DPP10: variants seen among roughly 807,000 people sequenced by gnomAD.
DPP10 encodes inactive dipeptidyl peptidase 10.
DPP10 carries 33 observed loss-of-function variants against 120.9 expected under a neutral mutation model. The observed-to-expected ratio is 0.27, with a 90% confidence interval of 0.21 to 0.37. The LOEUF (loss-of-function observed/expected upper bound fraction) is 0.37. Among genes scored for constraint, DPP10 ranks in the 10% least tolerant of loss-of-function variants. The pLI is 1.00. For synonymous variants in DPP10, 337 were observed against 326.1 expected, an observed-to-expected ratio of 1.03 and a Z score of -0.36; for missense variants, 816 against 942.8, an observed-to-expected ratio of 0.87 and a Z score of 1.76.
At chr2:114,810,232 C>T (rs1685067315) in intron 1 of DPP10, among the ~76,000 whole-genome samples, 2 of 152,192 alleles carry the variant, frequency 1.3e-5, no homozygotes, top group South Asian at 4.1e-4. Flanking sequence ...AGAGTGATTT[C>T]TAGCTAGAGT....
intron 1 of DPP10, among the ~76,000 whole-genome samples, chr2:115,162,965 G>T (rs1351510569): frequency 1.3e-5 from 2 of 152,042 alleles, no homozygotes; most frequent in East Asian, 3.9e-4. Flanking sequence ...GTGCAGGTGC[G>T]CTCACGTTTG....
chr2:115,303,235 A>G (rs2061221000), intron 1 of DPP10, among the ~76,000 whole-genome samples: 1 of 151,928 alleles, frequency 6.6e-6, no homozygotes, highest in African/African-American at 2.4e-5. Context: ...TGCCTTCAAT[A>G]TGTTATAAAA....
intron 3 of DPP10, among the ~76,000 whole-genome samples, chr2:115,415,204 G>A (rs1036321527): frequency 6.6e-6 from 1 of 152,066 alleles, no homozygotes; most frequent in Non-Finnish European, 1.5e-5. Flanking sequence ...TTTCTGCTTA[G>A]TATCATTCTG....
chr2:114,900,824 T>C (rs966403114), intron 1 of DPP10, among the ~76,000 whole-genome samples: 5 of 152,328 alleles, frequency 3.3e-5, no homozygotes, highest in African/African-American at 1.2e-4. Context: ...CTTTAAACTT[T>C]GCAGCTAAAT....
At chr2:115,394,015 T>G (rs1428548426) in intron 3 of DPP10, among the ~76,000 whole-genome samples, 5 of 152,118 alleles carry the variant, frequency 3.3e-5, no homozygotes, top group Non-Finnish European at 5.9e-5. Context: ...TGAAGTGAGA[T>G]AAAAATTATG....
intron 2 of DPP10, among the ~76,000 whole-genome samples, chr2:115,319,345 TG>T (rs1290674570): frequency 6.6e-6 from 1 of 152,172 alleles, no homozygotes; most frequent in African/African-American, 2.4e-5. Context: ...GATATTGATC[TG>T]TTGGTTTCTT....
intron 1 of DPP10, among the ~76,000 whole-genome samples, chr2:114,959,965 T>A (rs1698491331): frequency 6.6e-6 from 1 of 152,188 alleles, no homozygotes; most frequent in Non-Finnish European, 1.5e-5. Context: ...GTTTGAGGAT[T>A]CTACAAACTA....
At chr2:115,681,428 T>C (rs1559023171) in intron 5 of DPP10, among the ~76,000 whole-genome samples, 2 of 151,814 alleles carry the variant, frequency 1.3e-5, no homozygotes, top group East Asian at 3.9e-4. Context: ...AAGTTACAAA[T>C]ACAAAATCAA....
chr2:115,490,474 GA>G (rs1345046807), intron 3 of DPP10, among the ~76,000 whole-genome samples: 2 of 152,028 alleles, frequency 1.3e-5, no homozygotes, highest in Non-Finnish European at 2.9e-5. Flanking sequence ...TTTGGGTGGG[GA>G]CACAGCTAAA....
intron 5 of DPP10, among the ~76,000 whole-genome samples, chr2:115,556,638 G>A (rs1231655439): frequency 1.3e-5 from 2 of 152,014 alleles, no homozygotes; most frequent in Non-Finnish European, 2.9e-5. Context: ...TCACTTTCAA[G>A]CACCCGTTCT....
chr2:115,806,913 A>T, intron 19 of DPP10, among the ~76,000 whole-genome samples: 1 of 152,202 alleles, frequency 6.6e-6, no homozygotes, highest in East Asian at 1.9e-4. Flanking sequence ...GACCTGCTGC[A>T]TAGGAGAGTC....
intron 1 of DPP10, among the ~76,000 whole-genome samples, chr2:114,663,640 G>GATATATATATATAT (rs748891458): frequency 1.9e-5 from 2 of 107,912 alleles, no homozygotes; most frequent in African/African-American, 9.8e-5. Context: ...TACATGTACA[G>GATATATATATATAT]ATATATATAT....
chr2:114,983,963 C>T (rs1195910001), intron 1 of DPP10, among the ~76,000 whole-genome samples: 2 of 152,180 alleles, frequency 1.3e-5, no homozygotes, highest in Non-Finnish European at 2.9e-5. Context: ...ACCACTCTTA[C>T]ACCGCCTCTC....
At chr2:115,832,416 G>A (rs1349558112) in intron 21 of DPP10, among the ~76,000 whole-genome samples, 1 of 152,174 alleles carries the variant, frequency 6.6e-6, no homozygotes, top group South Asian at 2.1e-4. Flanking sequence ...CTTAAGCCTG[G>A]GAGGCAGCGG....
intron 1 of DPP10, among the ~76,000 whole-genome samples, chr2:114,684,416 G>T (rs1029919530): frequency 1.3e-5 from 2 of 151,966 alleles, no homozygotes; most frequent in African/African-American, 4.8e-5. Flanking sequence ...AATTTTAAAA[G>T]GGAGAGACAA....
rs59203543 is a variant in DPP10 at position 114,987,804 on chromosome 2, C to CTTTTT, written c.61-321427_61-321423dup. Among the ~76,000 whole-genome samples the CTTTTT allele has an allele frequency of 3.0e-5, 3 of 101,034 alleles. 1 individual carries two copies. The highest frequency in any genetic ancestry group is 7.5e-4 in the South Asian group (2 of 2,678). 66.3% of individuals were successfully genotyped at this position (101,034 alleles called of 152,430 possible). ...TATACTCCTTGAGTGTGGAGACTGT[C>CTTTTT]TTTTTTTTTTTTATTTTGAGATGGA... On this transcript the variant is annotated intron_variant, in intron 1 of 25. Transcript: ENST00000410059.
chr2:115,758,584 G>C (rs1342702078), intron 11 of DPP10, among the ~76,000 whole-genome samples: 1 of 151,550 alleles, frequency 6.6e-6, no homozygotes, highest in Admixed American at 6.6e-5. Context: ...TTTTTTTGTA[G>C]AAACAGACAA....
chr2:115,782,365 A>G lies in DPP10; in HGVS notation c.1497A>G (p.Pro499=), dbSNP rs137879246. The G allele has an allele frequency of 3.8e-4, 611 of 1,612,146 alleles. 3 individuals carry two copies. The East Asian group carries it at 0.011, about 29-fold the overall frequency. Residue 499 remains proline (P), a synonymous_variant, in exon 17 of 26, where the codon CCA becomes CCG. Transcript: ENST00000410059. ...TTTAAATTCCAGGTCCAAGGGTCCC[A>G]GTGGTCAGCCTACATAGTACGGACA... The part of the protein sequence containing the change: ...FLLFCEGPRV[P]VVSLHSTDNP...
At chr2:115,507,600 G>C (rs539864768) in intron 4 of DPP10, among the ~76,000 whole-genome samples, 52 of 152,212 alleles carry the variant, frequency 3.4e-4, no homozygotes, top group African/African-American at 1.2e-3. Context: ...CAGAAAATAT[G>C]TAAGTGGTGG....
Sources: gnomAD v4.1 joint callset for allele counts (sites outside exome capture counted in the v4.1 genomes callset) on GRCh38, gnomAD v4.1.1 for gene constraint, MANE v1.5 for transcripts, NCBI Gene and HGNC (gene_info 2026-07-23, HGNC 2026-07-21) for gene names.